The following DMD variants were observed in gnomAD, a reference collection of about 807,000 sequenced individuals.
DMD encodes the protein mutant dystrophin.
A neutral mutation model predicts 330.1 loss-of-function variants in DMD; 63 were observed. The ratio of observed to expected loss-of-function variants is 0.19; its 90% confidence interval spans 0.16 to 0.24. The LOEUF is 0.24. Ranked by LOEUF, DMD falls within the 10% of genes least tolerant of loss-of-function variation. The pLI is 1.00. For missense variants in DMD, 3,344 were observed against 2,684.1 expected, an observed-to-expected ratio of 1.25 and a Z score of -5.43; for synonymous variants, 1,223 against 959.8, an observed-to-expected ratio of 1.27 and a Z score of -5.07.
intron 55 of DMD, among the ~76,000 whole-genome samples, chrX:31,569,641 T>TATATACAC (rs771071830): frequency 1.2e-5 from 1 of 82,864 alleles, no homozygotes; most frequent in African/African-American, 4.4e-5. Context: ...CGTATATATA[T>TATATACAC]GTATATACGT....
chrX:32,591,449 G>C (rs957368534), intron 13 of DMD, among the ~76,000 whole-genome samples: 2 of 111,857 alleles, frequency 1.8e-5, no homozygotes, highest in Admixed American at 1.9e-4. Context: ...TTCTTTATTA[G>C]AAACAGTTAT....
At chrX:31,784,728 A>T (rs1445795957) in intron 50 of DMD, among the ~76,000 whole-genome samples, 1 of 111,837 alleles carries the variant, frequency 8.9e-6, no homozygotes, top group African/African-American at 3.2e-5. Flanking sequence ...CATGAGGATA[A>T]ATAATTGATA....
chrX:32,885,591 C>T (rs977100415), intron 2 of DMD, among the ~76,000 whole-genome samples: 5 of 111,010 alleles, frequency 4.5e-5, no homozygotes, highest in Non-Finnish European at 9.4e-5. Context: ...TAAGCTATAA[C>T]GATTAGCCTG....
rs1226488651 is a variant in DMD at position 31,955,874 on chromosome X, T to C, written c.6614+12465A>G. Reference sequence around the variant, plus strand: ...TGTAGGTCTAATCTGAAACTATATATTGGGCCAAATATTAGACTTAGGCCA... The same window carrying C: ...TGTAGGTCTAATCTGAAACTATATACTGGGCCAAATATTAGACTTAGGCCA... On this transcript the variant is annotated intron_variant, in intron 45 of 78. Transcript: ENST00000357033. Among the ~76,000 whole-genome samples, 3 of 112,073 alleles carry C rather than the reference T, an allele frequency of 2.7e-5. No homozygotes were observed. In the East Asian group the frequency reaches 8.4e-4, roughly 32 times the overall value.
At chrX:32,271,449 C>CCA in intron 43 of DMD, among the ~76,000 whole-genome samples, 1 of 112,683 alleles carries the variant, frequency 8.9e-6, no homozygotes, top group Non-Finnish European at 1.9e-5. Flanking sequence ...CTTGAGAACA[C>CCA]TGATATTTTC....
intron 42 of DMD, among the ~76,000 whole-genome samples, chrX:32,289,011 A>T (rs112025563): frequency 9.0e-6 from 1 of 111,673 alleles, no homozygotes; most frequent in African/African-American, 3.3e-5. Context: ...GCCCCACATC[A>T]CTTTGGTTCC....
chrX:31,614,778 T>G (rs2078108940), intron 55 of DMD, among the ~76,000 whole-genome samples: 1 of 112,185 alleles, frequency 8.9e-6, no homozygotes, highest in South Asian at 3.7e-4. Context: ...GTGAACTTTC[T>G]GACATTTTAT....
intron 18 of DMD, among the ~76,000 whole-genome samples, chrX:32,507,442 C>T (rs1172996896): frequency 1.8e-5 from 2 of 111,702 alleles, no homozygotes; most frequent in Admixed American, 9.5e-5. Flanking sequence ...TCATCATAAT[C>T]TCTTTATTCT....
intron 30 of DMD, among the ~76,000 whole-genome samples, chrX:32,404,170 T>C (rs2098103690): frequency 8.9e-6 from 1 of 112,087 alleles, no homozygotes; most frequent in African/African-American, 3.2e-5. Flanking sequence ...AAGATTGCAA[T>C]TACGAATTCT....
intron 58 of DMD, 52 bp downstream of exon 58, chrX:31,478,931 G>GTCACC (rs2068026673): frequency 8.4e-7 from 1 of 1,187,116 alleles, no homozygotes; most frequent in South Asian, 1.8e-5. Context: ...GGGCTGCTCC[G>GTCACC]TCACCACTGA....
chrX:33,197,830 A>G (rs146505807), intron 1 of DMD, among the ~76,000 whole-genome samples: 1,594 of 111,247 alleles, frequency 0.014, 31 homozygotes, highest in African/African-American at 0.049. Flanking sequence ...TTTGTTTAAC[A>G]GTCACTCATT....
intron 11 of DMD, among the ~76,000 whole-genome samples, chrX:32,625,453 A>C (rs1427178776): frequency 8.9e-6 from 1 of 111,900 alleles, no homozygotes; most frequent in Non-Finnish European, 1.9e-5. Flanking sequence ...TAATTAGATT[A>C]CCAATATCCG....
chrX:32,259,702 C>T (rs769270357), intron 43 of DMD, among the ~76,000 whole-genome samples: 1 of 111,539 alleles, frequency 9.0e-6, no homozygotes, highest in South Asian at 3.7e-4. Context: ...AGAAAAAATA[C>T]TAATACTCTG....
intron 44 of DMD, among the ~76,000 whole-genome samples, chrX:31,969,136 A>C (rs936489690): frequency 8.9e-6 from 1 of 111,734 alleles, no homozygotes; most frequent in South Asian, 3.7e-4. Context: ...TACAGTAATA[A>C]ATTTTAAAAT....
intron 60 of DMD, among the ~76,000 whole-genome samples, chrX:31,390,163 C>A (rs1224886751): frequency 9.1e-6 from 1 of 109,856 alleles, no homozygotes; most frequent in African/African-American, 3.3e-5. Flanking sequence ...AAGCCCAGAC[C>A]GAAAGCCATC....
intron 71 of DMD, among the ~76,000 whole-genome samples, chrX:31,177,381 A>C (rs961017664): frequency 3.6e-5 from 4 of 111,483 alleles, no homozygotes; most frequent in Admixed American, 1.9e-4. Context: ...CTTGTATATA[A>C]TGATTAGTCA....
intron 52 of DMD, among the ~76,000 whole-genome samples, chrX:31,683,085 T>C (rs1371212648): frequency 8.9e-6 from 1 of 112,077 alleles, no homozygotes; most frequent in Non-Finnish European, 1.9e-5. Flanking sequence ...AATGGCTCCT[T>C]GGGGTGTGCA....
intron 41 of DMD, among the ~76,000 whole-genome samples, chrX:32,319,995 G>A (rs1371798398): frequency 3.6e-5 from 4 of 110,128 alleles, no homozygotes; most frequent in African/African-American, 1.3e-4. Flanking sequence ...CAAGCAAATC[G>A]AACCCTCCCT....
intron 55 of DMD, among the ~76,000 whole-genome samples, chrX:31,535,683 C>T (rs1288017115): frequency 9.0e-6 from 1 of 111,624 alleles, no homozygotes; most frequent in Admixed American, 9.5e-5. Context: ...TTGTTTTAGC[C>T]ACCTTTTCCC....
Sources: allele counts gnomAD v4.1 joint callset (sites outside exome capture counted in the v4.1 genomes callset), GRCh38; gene constraint gnomAD v4.1.1; transcripts MANE v1.5; gene names NCBI Gene and HGNC (gene_info 2026-07-23, HGNC 2026-07-21).